ZNF641: variants seen among roughly 807,000 people sequenced by gnomAD.
ZNF641 encodes zinc finger protein 641.
In ZNF641, 26 loss-of-function variants were observed where a neutral mutation model predicts 46.2. The observed-to-expected ratio is 0.56, with a 90% CI of 0.41 to 0.78. ZNF641 has a LOEUF of 0.78. ZNF641 is among the 30% of genes least tolerant of loss of function. ZNF641 has a pLI of 0.00. For missense variants in ZNF641, 469 were observed against 517.8 expected, an observed-to-expected ratio of 0.91 and a Z score of 0.91; for synonymous variants, 163 against 187.9, an observed-to-expected ratio of 0.87 and a Z score of 1.09.
Position 48,342,753 on chromosome 12 carries a change from C to A in ZNF641, c.*220G>T. Reference sequence around the variant, plus strand: ...GCTGAATATCAGCCCATGTAGGATGCATTGCTTCCCAAAAGTTTTGCCCAA... The same window carrying A: ...GCTGAATATCAGCCCATGTAGGATGAATTGCTTCCCAAAAGTTTTGCCCAA... On this transcript the variant is annotated 3_prime_UTR_variant, in exon 6 of 6. Transcript: ENST00000547026. 3 of 1,380,292 alleles carry A rather than the reference C, an allele frequency of 2.2e-6. No homozygotes were observed. The highest frequency in any genetic ancestry group is 2.8e-6 in the Non-Finnish European group (3 of 1,063,514). 85.5% of individuals were successfully genotyped at this position (1,380,292 alleles called of 1,614,324 possible).
rs1952624406 is a variant in ZNF641 at position 48,337,591 on chromosome 12, TG to T, written c.*5381del. ...ATCCCAGCACTTTGGGAGGCCAAGGTGGGTGGATCACGAGGTCAAGAGATTG... is the reference window on the plus strand; with the variant it reads ...ATCCCAGCACTTTGGGAGGCCAAGGTGGTGGATCACGAGGTCAAGAGATTG... On this transcript the variant is annotated 3_prime_UTR_variant, in exon 6 of 6. Coordinates refer to ENST00000547026, the MANE Select transcript of ZNF641 (RefSeq NM_001172681.2). 1 of 148,262 alleles carries T rather than the reference TG, an allele frequency of 6.7e-6. No homozygotes were observed. Among genetic ancestry groups the T allele is most frequent in the Non-Finnish European group, 1.5e-5 (1 of 67,462 alleles). The allele number at this position is 148,262 out of a possible 1,614,324, so 9.2% of individuals were successfully genotyped here.
downstream of ZNF641, among the ~76,000 whole-genome samples, chr12:48,335,497 A>G (rs1315791718): frequency 2.0e-5 from 3 of 152,242 alleles, no homozygotes; most frequent in Non-Finnish European, 4.4e-5. Flanking sequence ...TTCATTCAGC[A>G]AAATGTATCC....
At position 48,339,521 on chromosome 12, in the gene ZNF641, C is replaced by G. The variant is rs1445658365; in HGVS notation, c.*3452G>C. 6.6e-6 allele frequency: 1 copy of G among 152,110 alleles called. No homozygotes were observed. The highest frequency in any genetic ancestry group is 1.9e-4 in the East Asian group (1 of 5,182). The allele number at this position is 152,110 out of a possible 1,614,324, so 9.4% of individuals were successfully genotyped here. A position where few individuals can be genotyped will look rare whatever the true frequency, so the allele number is the denominator to read the frequency against. ...GAGAGCCACAGTTTGGTATGGCTCA[C>G]AAGGGAAAAGAGGAAAATTTTGCTA... On this transcript the variant is annotated 3_prime_UTR_variant, in exon 6 of 6. Transcript: ENST00000547026.
At chr12:48,347,142 AACAT>A (rs1952894977) in intron 3 of ZNF641, 106 bp downstream of exon 3, 1 of 1,576,752 alleles carries the variant, frequency 6.3e-7, no homozygotes. Flanking sequence ...TTATAAGATG[AACAT>A]ACCATTGATG....
chr12:48,341,441 A>G lies in ZNF641; in HGVS notation c.*1532T>C, dbSNP rs1294305030. 1.0e-6 allele frequency: 1 copy of G among 985,378 alleles called. No homozygotes were observed. The highest frequency in any genetic ancestry group is 1.7e-5 in the African/African-American group (1 of 57,256). The allele number at this position is 985,378 out of a possible 1,614,324, so 61.0% of individuals were successfully genotyped here. ...CTAACGATGCTAGAATACTTATGCA[A>G]GCCCTAGAGTTAAGGGTCTTAGTGT... On this transcript the variant is annotated 3_prime_UTR_variant, in exon 6 of 6. Transcript: ENST00000547026.
rs79903289 is a variant in ZNF641 at position 48,344,827 on chromosome 12, G to A, written c.407-115C>T. 7.1e-4 allele frequency: 463 copies of A among 651,248 alleles called. 1 individual carries two copies. In the African/African-American group the frequency reaches 7.5e-3, roughly 11 times the overall value. 40.3% of individuals were successfully genotyped at this position (651,248 alleles called of 1,614,324 possible). On this transcript the variant is annotated intron_variant, in intron 4 of 5. Transcript: ENST00000547026. Reference sequence around the variant, plus strand: ...TGTTTGGAACTCTAGACAAAAGAAGGTCAAGAAAGAAACATATCCCCACCC... The same window carrying A: ...TGTTTGGAACTCTAGACAAAAGAAGATCAAGAAAGAAACATATCCCCACCC...
chr12:48,345,207 T>A (rs758602602), intron 4 of ZNF641, 138 bp downstream of exon 4: 196 of 959,066 alleles, frequency 2.0e-4, no homozygotes, highest in Non-Finnish European at 2.9e-4. Flanking sequence ...GGCCCTAGTG[T>A]TCTTTCTCCA....
At position 48,345,248 on chromosome 12, in the gene ZNF641, A is replaced by T; in HGVS notation, c.406+97T>A. 2.2e-6 allele frequency: 3 copies of T among 1,386,502 alleles called. No individual in the cohort carries two copies. The South Asian group carries it at 4.6e-5, about 21-fold the overall frequency. The allele number at this position is 1,386,502 out of a possible 1,614,324, so 85.9% of individuals were successfully genotyped here. On this transcript the variant is annotated intron_variant, in intron 4 of 5. Transcript: ENST00000547026. ...AGCATAGACAGATTCCCTGCCACATAAAGAGTCCTAGACAGACACTATCCA... is the reference window on the plus strand; with the variant it reads ...AGCATAGACAGATTCCCTGCCACATTAAGAGTCCTAGACAGACACTATCCA...
chr12:48,351,076 G>C (rs1006722537), upstream of ZNF641: 1 of 154,802 alleles, frequency 6.5e-6, no homozygotes, highest in South Asian at 2.1e-4. Flanking sequence ...CGGCTCAGGC[G>C]CCCCCAAACG....
chr12:48,350,928 G>C (rs1953019063), upstream of ZNF641: 1 of 902,072 alleles, frequency 1.1e-6, no homozygotes, highest in Non-Finnish European at 1.3e-6. Context: ...GCGCGGGCGG[G>C]GCGGGGCGGG....
chr12:48,341,909 T>C lies in ZNF641; in HGVS notation c.*1064A>G. 1 of 985,428 alleles carries C rather than the reference T, an allele frequency of 1.0e-6. No homozygotes were observed. The highest frequency in any genetic ancestry group is 1.7e-5 in the African/African-American group (1 of 57,336). 61.0% of individuals were successfully genotyped at this position (985,428 alleles called of 1,614,324 possible). A position where few individuals can be genotyped will look rare whatever the true frequency, so the allele number is the denominator to read the frequency against. On this transcript the variant is annotated 3_prime_UTR_variant, in exon 6 of 6. Coordinates refer to ENST00000547026, the MANE Select transcript of ZNF641 (RefSeq NM_001172681.2). Reference sequence around the variant, plus strand: ...GTCATTTAACCCTTTCCACTAGTTCTCCCTTAACCAGACTGCTTCCTGTCT... The same window carrying C: ...GTCATTTAACCCTTTCCACTAGTTCCCCCTTAACCAGACTGCTTCCTGTCT...
rs1343823056 is a variant in ZNF641 at position 48,343,307 on chromosome 12, T to C, written c.941A>G (p.Asn314Ser). The change falls in exon 6 of 6, where the codon AAT becomes AGT. Residue 314 changes from asparagine to serine, a missense_variant. Asn to Ser is a conservative substitution (Grantham distance 46). Transcript: ENST00000547026. ...GGCCAGATGGGAGTTGCATCGGAAATTCTTACCACACTCAGAGCACCTGCT... is the reference window on the plus strand; with the variant it reads ...GGCCAGATGGGAGTTGCATCGGAAACTCTTACCACACTCAGAGCACCTGCT... The part of the protein sequence containing the change: ...KTSRCSECGK[N>S]FRCNSHLASH... 6.2e-7 allele frequency: 1 copy of C among 1,614,194 alleles called. No individual in the cohort carries two copies. Among genetic ancestry groups the C allele is most frequent in the Non-Finnish European group, 8.5e-7 (1 of 1,180,038 alleles).
chr12:48,344,598 C>A lies in ZNF641; in HGVS notation c.520+1G>T. The A allele has an allele frequency of 6.3e-7, 1 of 1,597,712 alleles. No homozygotes were observed. The highest frequency in any genetic ancestry group is 8.6e-7 in the Non-Finnish European group (1 of 1,165,862). The stretch of plus-strand genomic sequence containing the variant: ...GCTGAAAGCCTATTCTAGGTTCTTA[C>A]CTGTATATGTGACCCTCAGAATGTC... On this transcript the variant is annotated splice_donor_variant, in intron 5 of 5. Transcript: ENST00000547026. LOFTEE classifies it high-confidence loss of function.
upstream of ZNF641, chr12:48,351,046 G>T (rs1185134719): frequency 6.8e-6 from 1 of 148,038 alleles, no homozygotes; most frequent in Non-Finnish European, 1.5e-5. Flanking sequence ...GGGAGGGAGG[G>T]ACGGGAGGGG....
rs1358097704 is a variant in ZNF641, at chr12:48,343,229, C to G, written c.1019G>C (p.Gly340Ala). The change falls in exon 6 of 6, where the codon GGA (glycine) becomes GCA (alanine). Residue 340 changes from glycine to alanine, a missense_variant. Transcript: ENST00000547026. ...CCGTTTCCTTGTGCCAGGGCTCTCT[C>G]CAACCTCTTGGCCTTTGCAGGATTT... ...EGKSCKGQEV[G>A]ESPGTRKRQR... 1.2e-6 allele frequency: 2 copies of G among 1,614,242 alleles called. No individual in the cohort carries two copies. Among genetic ancestry groups the G allele is most frequent in the East Asian group, 2.2e-5 (1 of 44,880 alleles).
Position 48,343,665 on chromosome 12 carries a change from A to G in ZNF641, c.583T>C (p.Ser195Pro), listed in dbSNP as rs201841660. The G allele has an allele frequency of 3.9e-6, 6 of 1,555,564 alleles. No individual in the cohort carries two copies. In the African/African-American group the frequency reaches 6.9e-5, roughly 18 times the overall value. The change falls in exon 6 of 6, where the codon TCC becomes CCC. Residue 195 changes from serine (S) to proline (P), a missense_variant. Coordinates refer to ENST00000547026, the MANE Select transcript of ZNF641 (RefSeq NM_001172681.2). Reference protein sequence around the residue: ...ELEAEPPRMLSSVSEDTVLWN... With the variant: ...ELEAEPPRMLPSVSEDTVLWN... ...AGAACAGTATCTTCAGACACGCTGG[A>G]TAACATTCTGGGAGGTTCTGCTTCT...
Position 48,345,251 on chromosome 12 carries a change from G to A in ZNF641, c.406+94C>T, listed in dbSNP as rs560419423. The A allele has an allele frequency of 1.2e-5, 16 of 1,390,324 alleles. No individual in the cohort carries two copies. In the South Asian group the frequency reaches 2.5e-4, roughly 22 times the overall value. The allele number at this position is 1,390,324 out of a possible 1,614,324, so 86.1% of individuals were successfully genotyped here. A position where few individuals can be genotyped will look rare whatever the true frequency, so the allele number is the denominator to read the frequency against. ...ATAGACAGATTCCCTGCCACATAAA[G>A]AGTCCTAGACAGACACTATCCAATA... On this transcript the variant is annotated intron_variant, in intron 4 of 5. Coordinates refer to ENST00000547026, the MANE Select transcript of ZNF641 (RefSeq NM_001172681.2).
intron 3 of ZNF641, among the ~76,000 whole-genome samples, chr12:48,346,839 T>C (rs913658780): frequency 1.3e-5 from 2 of 152,012 alleles, no homozygotes; most frequent in Non-Finnish European, 2.9e-5. Flanking sequence ...GGCAAAACCT[T>C]GTCTCTACTA....
Position 48,350,818 on chromosome 12 carries a change from C to A in ZNF641, c.-58G>T. 1.0e-6 allele frequency: 1 copy of A among 985,006 alleles called. No homozygotes were observed. The highest frequency in any genetic ancestry group is 1.2e-6 in the Non-Finnish European group (1 of 829,592). The allele number at this position is 985,006 out of a possible 1,614,324, so 61.0% of individuals were successfully genotyped here. On this transcript the variant is annotated 5_prime_UTR_variant, in exon 1 of 6. Coordinates refer to ENST00000547026, the MANE Select transcript of ZNF641 (RefSeq NM_001172681.2). ...AGGCTTGGCCCGCGGCCCGGTGCCT[C>A]CCTCCCGGGCGCCGCCTGCCCCTCC...
Sources: allele counts gnomAD v4.1 joint callset (sites outside exome capture counted in the v4.1 genomes callset), GRCh38; gene constraint gnomAD v4.1.1; transcripts MANE v1.5; gene names NCBI Gene and HGNC (gene_info 2026-07-23, HGNC 2026-07-21).